MEGF9: variants seen among roughly 807,000 people sequenced by gnomAD.
The protein encoded by MEGF9 is multiple EGF like domains 9.
Under a neutral mutation model 46.8 loss-of-function variants are expected in MEGF9, and 6 were observed. The ratio of observed to expected loss-of-function variants is 0.13; its 90% CI spans 0.07 to 0.25. The LOEUF (loss-of-function observed/expected upper bound fraction) is 0.25, where lower values mean the gene tolerates loss of function less well. MEGF9 is among the 10% of genes least tolerant of loss of function. The probability of loss-of-function intolerance (pLI) is 1.00; values close to 1 mark genes in which losing one functional copy is unlikely to be tolerated. For synonymous variants in MEGF9, 302 were observed against 330.7 expected, an observed-to-expected ratio of 0.91 and a Z score of 0.94; for missense variants, 683 against 792.4, an observed-to-expected ratio of 0.86 and a Z score of 1.66.
At chr9:120,625,244 T>A (rs1187335877) in intron 2 of MEGF9, among the ~76,000 whole-genome samples, 1 of 152,206 alleles carries the variant, frequency 6.6e-6, no homozygotes, top group Non-Finnish European at 1.5e-5. Flanking sequence ...AGCTGATTTA[T>A]CAAGATGGGG....
At chr9:120,658,920 C>A (rs2043689395) in intron 2 of MEGF9, among the ~76,000 whole-genome samples, 1 of 152,030 alleles carries the variant, frequency 6.6e-6, no homozygotes, top group Non-Finnish European at 1.5e-5. Flanking sequence ...AATTAGGGTA[C>A]CCCCAGGTTA....
At chr9:120,693,275 C>CAAAAA (rs10633158) in intron 1 of MEGF9, among the ~76,000 whole-genome samples, 992 of 103,088 alleles carry the variant, frequency 9.6e-3, no homozygotes, top group Non-Finnish European at 0.014. Context: ...TCTGGTTAAC[C>CAAAAA]AAAAAAAAAA....
intron 2 of MEGF9, among the ~76,000 whole-genome samples, chr9:120,636,795 A>T (rs1370798556): frequency 6.6e-6 from 1 of 150,836 alleles, no homozygotes. Flanking sequence ...TCCGCCCGGC[A>T]GCCGCCCCGT....
At chr9:120,707,833 A>G (rs1248894388) in intron 1 of MEGF9, among the ~76,000 whole-genome samples, 1 of 151,986 alleles carries the variant, frequency 6.6e-6, no homozygotes, top group African/African-American at 2.4e-5. Context: ...ATTTGAGGTC[A>G]GGAGTTCAAG....
chr9:120,634,635 T>C lies in MEGF9; in HGVS notation c.804-11880A>G, dbSNP rs113058081. Among the ~76,000 whole-genome samples, 1,212 of 152,090 alleles carry C rather than the reference T, an allele frequency of 8.0e-3. 18 individuals carry two copies. Among genetic ancestry groups the C allele is most frequent in the African/African-American group, 0.028 (1,152 of 41,508 alleles). On this transcript the variant is annotated intron_variant, in intron 2 of 5. Coordinates refer to ENST00000373930, the MANE Select transcript of MEGF9 (RefSeq NM_001080497.3). ...GTATGTCTTTACAAGTGAAGACAAT[T>C]TCTTGTAGGCAGCATATAGTTAGGC...
intron 1 of MEGF9, among the ~76,000 whole-genome samples, chr9:120,675,543 T>A (rs2043768806): frequency 6.6e-6 from 1 of 151,994 alleles, no homozygotes; most frequent in Non-Finnish European, 1.5e-5. Flanking sequence ...CAGTGAGTTG[T>A]GATCATGCCA....
At chr9:120,694,811 G>A (rs2043867229) in intron 1 of MEGF9, among the ~76,000 whole-genome samples, 1 of 152,274 alleles carries the variant, frequency 6.6e-6, no homozygotes, top group Admixed American at 6.5e-5. Context: ...ATAGGAAGAA[G>A]AGGTAACCAA....
At chr9:120,633,927 C>T (rs571473200) in intron 2 of MEGF9, among the ~76,000 whole-genome samples, 1 of 152,214 alleles carries the variant, frequency 6.6e-6, no homozygotes, top group East Asian at 1.9e-4. Context: ...TAGTTTGATT[C>T]CATTACAGTC....
At chr9:120,663,346 A>G (rs1232722264) in intron 1 of MEGF9, among the ~76,000 whole-genome samples, 2 of 152,232 alleles carry the variant, frequency 1.3e-5, no homozygotes, top group Non-Finnish European at 2.9e-5. Context: ...CTGGGTATTC[A>G]CTAAATTGTG....
intron 2 of MEGF9, among the ~76,000 whole-genome samples, chr9:120,642,597 T>C (rs1053987891): frequency 6.6e-6 from 1 of 152,238 alleles, no homozygotes; most frequent in Non-Finnish European, 1.5e-5. Context: ...TCTCCTGGAT[T>C]ATGCAGCTTC....
At chr9:120,680,216 T>C (rs746870218) in intron 1 of MEGF9, among the ~76,000 whole-genome samples, 15 of 152,216 alleles carry the variant, frequency 9.9e-5, no homozygotes, top group Non-Finnish European at 1.5e-4. Context: ...CTGGATGGTG[T>C]TGATACGTGT....
Position 120,713,848 on chromosome 9 carries a change from G to C in MEGF9, c.511C>G (p.Arg171Gly). ...ATTVPAPTTP[R>G]TPTPDLPSSS... ...CTGGGGAGATCGGGGGTCGGGGTCCGGGGAGTCGTGGGCGCCGGTACGGTG... is the reference window on the plus strand; with the variant it reads ...CTGGGGAGATCGGGGGTCGGGGTCCCGGGAGTCGTGGGCGCCGGTACGGTG... Residue 171 changes from arginine (R) to glycine (G), a missense_variant, in exon 1 of 6, where the codon CGG (arginine) becomes GGG (glycine). Arg to Gly is a moderately radical substitution (Grantham distance 125, BLOSUM62 -2). Coordinates refer to ENST00000373930, the MANE Select transcript of MEGF9 (RefSeq NM_001080497.3). 1 of 1,301,762 alleles carries C rather than the reference G, an allele frequency of 7.7e-7. No homozygotes were observed. The highest frequency in any genetic ancestry group is 2.9e-5 in the South Asian group (1 of 34,566). The allele number at this position is 1,301,762 out of a possible 1,614,324, so 80.6% of individuals were successfully genotyped here.
intron 1 of MEGF9, among the ~76,000 whole-genome samples, chr9:120,688,455 G>T (rs2132336838): frequency 6.6e-6 from 1 of 152,266 alleles, no homozygotes; most frequent in Admixed American, 6.5e-5. Context: ...CATTCATTCA[G>T]CAAATATATA....
At chr9:120,698,032 A>G (rs991753443) in intron 1 of MEGF9, among the ~76,000 whole-genome samples, 6 of 152,192 alleles carry the variant, frequency 3.9e-5, no homozygotes, top group African/African-American at 1.4e-4. Context: ...CAGGCCCAAC[A>G]CCCAAGAACC....
intron 1 of MEGF9, chr9:120,691,428 T>C (rs759105751): frequency 6.1e-6 from 3 of 488,114 alleles, no homozygotes; most frequent in African/African-American, 6.0e-5. Flanking sequence ...CACAGGCATA[T>C]TTTCCTAGAT....
intron 1 of MEGF9, among the ~76,000 whole-genome samples, chr9:120,687,601 A>G (rs2043828501): frequency 6.6e-6 from 1 of 152,078 alleles, no homozygotes; most frequent in Admixed American, 6.6e-5. Context: ...AAAAATCTCA[A>G]TAAAATGGTG....
chr9:120,693,275 CAAAAA>C (rs10633158), intron 1 of MEGF9, among the ~76,000 whole-genome samples: 10 of 104,466 alleles, frequency 9.6e-5, no homozygotes, highest in South Asian at 3.4e-4. Flanking sequence ...TCTGGTTAAC[CAAAAA>C]AAAAAAAAAA....
intron 1 of MEGF9, among the ~76,000 whole-genome samples, chr9:120,671,392 G>A (rs764180535): frequency 6.6e-6 from 1 of 152,244 alleles, no homozygotes; most frequent in East Asian, 1.9e-4. Context: ...AGAGAGACCA[G>A]GAGAAGAACC....
Position 120,648,147 on chromosome 9 carries a change from C to G in MEGF9, c.803+11227G>C, listed in dbSNP as rs112233342. On this transcript the variant is annotated intron_variant, in intron 2 of 5. Coordinates refer to ENST00000373930, the MANE Select transcript of MEGF9 (RefSeq NM_001080497.3). ...CTCTTTCTAACCACCAGACTTCTGGCAGACTAATTTTTCCAAAAAACAAGT... is the reference window on the plus strand; with the variant it reads ...CTCTTTCTAACCACCAGACTTCTGGGAGACTAATTTTTCCAAAAAACAAGT... Among the ~76,000 whole-genome samples the G allele has an allele frequency of 4.2e-3, 641 of 152,210 alleles. 8 individuals carry two copies. Among genetic ancestry groups the G allele is most frequent in the African/African-American group, 0.015 (608 of 41,542 alleles).
Sources: gnomAD v4.1 joint callset for allele counts (sites outside exome capture counted in the v4.1 genomes callset) on GRCh38, gnomAD v4.1.1 for gene constraint, MANE v1.5 for transcripts, NCBI Gene and HGNC (gene_info 2026-07-23, HGNC 2026-07-21) for gene names.